The following SLC16A12 variants were observed in gnomAD, a reference collection of about 807,000 sequenced individuals.
The protein encoded by SLC16A12 is monocarboxylate transporter 12.
A neutral mutation model predicts 42.4 loss-of-function variants in SLC16A12; 17 were observed. The observed-to-expected ratio is 0.40, with a 90% confidence interval of 0.27 to 0.60. The LOEUF is 0.60. Among genes scored for constraint, SLC16A12 ranks in the 20% least tolerant of loss-of-function variants. SLC16A12 has a pLI of 0.42. For missense variants in SLC16A12, 544 were observed against 623.0 expected, an observed-to-expected ratio of 0.87 and a Z score of 1.35; for synonymous variants, 224 against 229.4, an observed-to-expected ratio of 0.98 and a Z score of 0.21.
At chr10:89,455,571 G>T (rs2133726755) in intron 3 of SLC16A12, among the ~76,000 whole-genome samples, 1 of 152,188 alleles carries the variant, frequency 6.6e-6, no homozygotes, top group South Asian at 2.1e-4. Flanking sequence ...TTCTCAAAGG[G>T]GAAAAGCACC....
chr10:89,522,242 A>C (rs1843369116), intron 2 of SLC16A12, among the ~76,000 whole-genome samples: 2 of 152,206 alleles, frequency 1.3e-5, no homozygotes, highest in Non-Finnish European at 2.9e-5. Context: ...CCAACTGTCT[A>C]TCCTCCAAAC....
rs377420643 is a variant in SLC16A12 at position 89,555,080 on chromosome 10, T to C, written c.-47+802A>G. Among the ~76,000 whole-genome samples the C allele has an allele frequency of 2.0e-4, 30 of 152,204 alleles. No individual in the cohort carries two copies. The East Asian group carries it at 5.2e-3, about 26-fold the overall frequency. On this transcript the variant is annotated intron_variant, in intron 2 of 2. Coordinates refer to the SLC16A12 transcript ENST00000475682. ...TAGCACCTAGAAAGCATCCAGTAAA[T>C]ATTTGTAGAATGAAGTCTTCAGGAT...
intron 6 of SLC16A12, 62 bp downstream of exon 6, chr10:89,438,542 A>T: frequency 6.9e-7 from 1 of 1,441,112 alleles, no homozygotes. Flanking sequence ...TAAGGGGCTG[A>T]GGAGAAACTC....
intron 2 of SLC16A12, among the ~76,000 whole-genome samples, chr10:89,492,838 C>T (rs1263457014): frequency 6.6e-6 from 1 of 151,920 alleles, no homozygotes; most frequent in Non-Finnish European, 1.5e-5. Flanking sequence ...ACATCTATGC[C>T]CTTTCCTTTA....
chr10:89,468,495 T>C (rs1346816533), intron 2 of SLC16A12, among the ~76,000 whole-genome samples: 2 of 152,148 alleles, frequency 1.3e-5, no homozygotes, highest in Non-Finnish European at 2.9e-5. Context: ...ATTTCAAAAT[T>C]GTTATTGGCG....
chr10:89,472,552 G>A (rs1842517344), intron 2 of SLC16A12, among the ~76,000 whole-genome samples: 1 of 145,614 alleles, frequency 6.9e-6, no homozygotes, highest in African/African-American at 2.6e-5. Context: ...GAGTGCAGTG[G>A]GGCGATCTCG....
intron 2 of SLC16A12, among the ~76,000 whole-genome samples, chr10:89,465,687 G>A (rs1842382513): frequency 6.6e-6 from 1 of 152,176 alleles, no homozygotes; most frequent in African/African-American, 2.4e-5. Flanking sequence ...AGACAGAGCT[G>A]GTAGTCCGTC....
At chr10:89,476,454 C>A (rs1842582178) in intron 2 of SLC16A12, among the ~76,000 whole-genome samples, 1 of 152,140 alleles carries the variant, frequency 6.6e-6, no homozygotes, top group Non-Finnish European at 1.5e-5. Context: ...GGCAGAAGAA[C>A]ATAGTTCTGC....
chr10:89,536,456 T>C (rs1843663844), upstream of SLC16A12, among the ~76,000 whole-genome samples: 1 of 151,990 alleles, frequency 6.6e-6, no homozygotes, highest in Non-Finnish European at 1.5e-5. Flanking sequence ...CCACTTCATG[T>C]TGTTGCTGCG....
At chr10:89,451,481 G>A (rs759671808) in intron 3 of SLC16A12, among the ~76,000 whole-genome samples, 1 of 151,796 alleles carries the variant, frequency 6.6e-6, no homozygotes, top group Non-Finnish European at 1.5e-5. Flanking sequence ...ATGCAATCTC[G>A]GGTCACTGCA....
chr10:89,443,339 T>C (rs947698615), intron 4 of SLC16A12, among the ~76,000 whole-genome samples: 4 of 152,214 alleles, frequency 2.6e-5, no homozygotes, highest in Non-Finnish European at 5.9e-5. Context: ...CTTATGACTA[T>C]GTAAAAATGG....
intron 2 of SLC16A12, among the ~76,000 whole-genome samples, chr10:89,482,782 TA>T (rs397846442): frequency 0.031 from 3,906 of 125,856 alleles, 119 homozygotes; most frequent in African/African-American, 0.098. Flanking sequence ...AGACCCTGTC[TA>T]AAAAAAAAAA....
At position 89,436,645 on chromosome 10, in the gene SLC16A12, T is replaced by G. The variant is rs7896106; in HGVS notation, c.1029-326A>C. Reference sequence around the variant, plus strand: ...CTTATCTCACAGGGTTACTCTGAAATTAGTCGTGAAATAAAATAGAAATAA... The same window carrying G: ...CTTATCTCACAGGGTTACTCTGAAAGTAGTCGTGAAATAAAATAGAAATAA... On this transcript the variant is annotated intron_variant, in intron 6 of 7. Coordinates refer to ENST00000371790, the MANE Select transcript of SLC16A12 (RefSeq NM_213606.4). Among the ~76,000 whole-genome samples, 53,657 of 151,684 alleles carry G rather than the reference T, an allele frequency of 0.35. 9,756 individuals are homozygous for G. Among genetic ancestry groups the G allele is most frequent in the African/African-American group, 0.41 (17,101 of 41,280 alleles).
intron 2 of SLC16A12, among the ~76,000 whole-genome samples, chr10:89,524,277 C>T (rs757703852): frequency 3.3e-5 from 5 of 152,282 alleles, no homozygotes; most frequent in African/African-American, 9.6e-5. Flanking sequence ...AATTTTATCA[C>T]CAAATCCCCA....
intron 2 of SLC16A12, among the ~76,000 whole-genome samples, chr10:89,547,966 C>CAAAA (rs60543445): frequency 8.6e-5 from 7 of 81,606 alleles, no homozygotes; most frequent in Admixed American, 1.5e-4. Flanking sequence ...CCAGCCTGGG[C>CAAAA]AAAAAAAAAA....
intron 2 of SLC16A12, among the ~76,000 whole-genome samples, chr10:89,479,456 C>T (rs1259947100): frequency 6.6e-6 from 1 of 152,224 alleles, no homozygotes; most frequent in African/African-American, 2.4e-5. Context: ...GGCTCCTTTT[C>T]ATGAGCAAAG....
chr10:89,545,475 C>T (rs868592349), intron 2 of SLC16A12, among the ~76,000 whole-genome samples: 1 of 152,156 alleles, frequency 6.6e-6, no homozygotes, highest in Middle Eastern at 3.4e-3. Context: ...ACAATTGCTA[C>T]AAAGAGAATA....
Position 89,433,205 on chromosome 10 carries a change from C to T in SLC16A12, c.1410G>A (p.Gln470=). Residue 470 remains glutamine, a synonymous_variant, in exon 8 of 8, where the codon CAG becomes CAA. Coordinates refer to ENST00000371790, the MANE Select transcript of SLC16A12 (RefSeq NM_213606.4). The stretch of plus-strand genomic sequence containing the variant: ...CAGATTCTTTGGCAATGAACTGCAA[C>T]TGGGTTTTTCTCATTCTCTTTATAA... ...ARLIKRMRKT[Q]LQFIAKESDP... 6.2e-7 allele frequency: 1 copy of T among 1,614,212 alleles called. No homozygotes were observed.
chr10:89,500,576 G>A (rs1373577399), intron 2 of SLC16A12, among the ~76,000 whole-genome samples: 1 of 151,966 alleles, frequency 6.6e-6, no homozygotes, highest in Non-Finnish European at 1.5e-5. Context: ...TGAAAAAAAA[G>A]CATTCGACAA....
Sources: allele counts gnomAD v4.1 joint callset (sites outside exome capture counted in the v4.1 genomes callset), GRCh38; gene constraint gnomAD v4.1.1; transcripts MANE v1.5; gene names NCBI Gene and HGNC (gene_info 2026-07-23, HGNC 2026-07-21).